The following NBEA variants were observed in gnomAD, a reference collection of about 807,000 sequenced individuals.
The protein encoded by NBEA is neurobeachin.
A neutral mutation model predicts 343.4 loss-of-function variants in NBEA; 44 were observed. The observed-to-expected ratio is 0.13, with a 90% CI of 0.10 to 0.16. The LOEUF (loss-of-function observed/expected upper bound fraction) is 0.16, where lower values mean the gene tolerates loss of function less well. Among genes scored for constraint, NBEA ranks in the 10% least tolerant of loss-of-function variants. The probability of loss-of-function intolerance (pLI) is 1.00; values close to 1 mark genes in which losing one functional copy is unlikely to be tolerated. For missense variants in NBEA, 2,555 were observed against 3,631.3 expected (o/e 0.70, Z 7.62); for synonymous variants, 1,175 against 1,238.7 (o/e 0.95, Z 1.08).
chr13:35,177,865 C>A (rs1283269136), intron 28 of NBEA, among the ~76,000 whole-genome samples: 1 of 151,504 alleles, frequency 6.6e-6, no homozygotes, highest in Non-Finnish European at 1.5e-5. Flanking sequence ...TTATATTTAA[C>A]AGTAAATTGA....
chr13:35,664,904 G>T (rs552639332), intron 55 of NBEA, among the ~76,000 whole-genome samples, 181 bp from the exon 56 acceptor site: 3 of 152,330 alleles, frequency 2.0e-5, no homozygotes, highest in East Asian at 1.9e-4. Flanking sequence ...TAATAGATTC[G>T]CTAGTTATGC....
In NBEA at chr13:35,086,647, A is replaced by G. The variant is rs551006258; in HGVS notation, c.1572-11650A>G. Among the ~76,000 whole-genome samples the G allele has an allele frequency of 3.9e-5, 6 of 152,052 alleles. No homozygotes were observed. In the East Asian group the frequency reaches 9.7e-4, roughly 25 times the overall value. On this transcript the variant is annotated intron_variant, in intron 10 of 58. Coordinates refer to ENST00000379939, the MANE Select transcript of NBEA (RefSeq NM_001385012.1). ...GAGTGCGTGTATCACTTTGATATACAGATTTCCTTTCCTTTGGATAAATAC... is the reference window on the plus strand; with the variant it reads ...GAGTGCGTGTATCACTTTGATATACGGATTTCCTTTCCTTTGGATAAATAC...
chr13:35,558,861 G>A (rs1593220657), intron 44 of NBEA, among the ~76,000 whole-genome samples: 1 of 152,200 alleles, frequency 6.6e-6, no homozygotes, highest in Admixed American at 6.5e-5. Flanking sequence ...AAAGTTTAGA[G>A]AAGTGAGAGA....
intron 1 of NBEA, among the ~76,000 whole-genome samples, chr13:35,001,791 A>G (rs968083623): frequency 3.3e-5 from 5 of 152,158 alleles, no homozygotes; most frequent in Non-Finnish European, 7.4e-5. Flanking sequence ...GTATATTTTG[A>G]AATAGCTAGA....
At chr13:35,579,015 GTTGGCATGCAAAAGGTTTTGGAAT>G (rs2153034848) in intron 45 of NBEA, among the ~76,000 whole-genome samples, 1 of 151,546 alleles carries the variant, frequency 6.6e-6, no homozygotes, top group East Asian at 1.9e-4. Context: ...ATGGTGTCAT[GTTGGCATGCAAAAGGTTTTGGAAT>G]TTGGAGCATT....
intron 1 of NBEA, among the ~76,000 whole-genome samples, chr13:34,963,428 A>C (rs1032281897): frequency 6.6e-6 from 1 of 151,992 alleles, no homozygotes; most frequent in African/African-American, 2.4e-5. Flanking sequence ...CTCCAAATGC[A>C]ATGCCATTAG....
chr13:35,216,744 C>G lies in NBEA; in HGVS notation c.5648+5565C>G, dbSNP rs185732673. On this transcript the variant is annotated intron_variant, in intron 33 of 58. Transcript: ENST00000379939. ...TTGTTGCATGAATTAATAGTATGTT[C>G]CTTTTTTATTTCTCAGTCATATTCT... Among the ~76,000 whole-genome samples, 229 of 152,022 alleles carry G rather than the reference C, an allele frequency of 1.5e-3. 1 individual carries two copies. The highest frequency in any genetic ancestry group is 5.4e-3 in the African/African-American group (223 of 41,524).
intron 20 of NBEA, 50 bp downstream of exon 20, chr13:35,156,256 T>C (rs1161098260): frequency 6.2e-6 from 9 of 1,453,774 alleles, no homozygotes; most frequent in African/African-American, 1.5e-5. Flanking sequence ...ATTAATATTT[T>C]CTCTCTTTTA....
intron 36 of NBEA, among the ~76,000 whole-genome samples, chr13:35,335,148 T>C (rs1415847898): frequency 6.6e-6 from 1 of 152,194 alleles, no homozygotes; most frequent in African/African-American, 2.4e-5. Context: ...ATGAGTTCAC[T>C]GTAGGTGTGT....
chr13:35,355,570 C>T (rs2040446487), intron 38 of NBEA, among the ~76,000 whole-genome samples: 1 of 152,108 alleles, frequency 6.6e-6, no homozygotes, highest in Non-Finnish European at 1.5e-5. Context: ...TGAACGCTTG[C>T]TGCAGAGGTT....
intron 5 of NBEA, among the ~76,000 whole-genome samples, chr13:35,049,701 A>G (rs901716702): frequency 6.6e-6 from 1 of 151,818 alleles, no homozygotes; most frequent in African/African-American, 2.4e-5. Flanking sequence ...ATTTTTCTAC[A>G]TCGTGATAAA....
intron 1 of NBEA, among the ~76,000 whole-genome samples, chr13:35,030,715 A>G (rs1159298364): frequency 6.6e-6 from 1 of 151,704 alleles, no homozygotes; most frequent in African/African-American, 2.4e-5. Context: ...TTTAACACGA[A>G]TGTATTAAAA....
In NBEA at chr13:34,975,728, C is replaced by T. The variant is rs367747910; in HGVS notation, c.294+32614C>T. ...AGAATCTACAAAGAACTCAAATCAG[C>T]AAGAAAAAAAAAATCCCATCAAAAA... is the stretch of plus-strand genomic sequence containing the variant. On this transcript the variant is annotated intron_variant, in intron 1 of 58. Transcript: ENST00000379939. 1.9e-4 allele frequency among the ~76,000 whole-genome samples: 28 copies of T among 150,212 alleles called. No homozygotes were observed. The East Asian group carries it at 4.5e-3, about 24-fold the overall frequency.
chr13:35,366,825 G>A (rs1190600337), intron 38 of NBEA, among the ~76,000 whole-genome samples: 1 of 151,184 alleles, frequency 6.6e-6, no homozygotes, highest in Non-Finnish European at 1.5e-5. Context: ...ATATTCCAGA[G>A]TCCATGTCCA....
chr13:35,309,977 G>A (rs535800877), intron 36 of NBEA, among the ~76,000 whole-genome samples: 6 of 152,014 alleles, frequency 3.9e-5, no homozygotes, highest in Admixed American at 3.9e-4. Flanking sequence ...AGTTTTATCT[G>A]AACATGTCAT....
At chr13:35,490,798 A>G (rs1373582505) in intron 41 of NBEA, among the ~76,000 whole-genome samples, 1 of 151,918 alleles carries the variant, frequency 6.6e-6, no homozygotes, top group East Asian at 1.9e-4. Context: ...GCCTCATTTC[A>G]TTGTTAAGAA....
chr13:35,311,724 G>A (rs1211500594), intron 36 of NBEA, among the ~76,000 whole-genome samples: 1 of 151,998 alleles, frequency 6.6e-6, no homozygotes, highest in African/African-American at 2.4e-5. Flanking sequence ...TGTGGTGGCA[G>A]GTGCCCGTAA....
chr13:35,601,623 G>A (rs1021602141), intron 47 of NBEA, among the ~76,000 whole-genome samples: 1 of 151,780 alleles, frequency 6.6e-6, no homozygotes, highest in African/African-American at 2.4e-5. Flanking sequence ...TTAGCCAGGT[G>A]TGGTGGCACA....
intron 38 of NBEA, among the ~76,000 whole-genome samples, chr13:35,355,350 A>G (rs9593138): frequency 0.27 from 40,771 of 152,012 alleles, 6,575 homozygotes; most frequent in African/African-American, 0.46. Context: ...CTCTGCTCCT[A>G]TGCTTAGAAA....
Sources: gnomAD v4.1 joint callset for allele counts (sites outside exome capture counted in the v4.1 genomes callset) on GRCh38, gnomAD v4.1.1 for gene constraint, MANE v1.5 for transcripts, NCBI Gene and HGNC (gene_info 2026-07-23, HGNC 2026-07-21) for gene names.